Variants in M6PR observed in about 807,000 individuals in gnomAD.
The protein encoded by M6PR is mannose-6-phosphate receptor, cation dependent.
In M6PR, 19 loss-of-function variants were observed where a neutral mutation model predicts 33.1. The ratio of observed to expected loss-of-function variants is 0.57; its 90% CI spans 0.40 to 0.84. The LOEUF (loss-of-function observed/expected upper bound fraction) is 0.84, where lower values mean the gene tolerates loss of function less well. Among genes scored for constraint, M6PR ranks in the 40% least tolerant of loss-of-function variants. M6PR has a pLI of 0.00. For missense variants in M6PR, 295 were observed against 336.0 expected, an observed-to-expected ratio of 0.88 and a Z score of 0.95; for synonymous variants, 111 against 123.4, an observed-to-expected ratio of 0.90 and a Z score of 0.67.
Position 8,945,571 on chromosome 12 carries a change from C to T in M6PR, c.190G>A (p.Val64Met), listed in dbSNP as rs1946082827. 2 of 1,613,902 alleles carry T rather than the reference C, an allele frequency of 1.2e-6. No individual in the cohort carries two copies. Among genetic ancestry groups the T allele is most frequent in the Non-Finnish European group, 1.7e-6 (2 of 1,180,004 alleles). ...PLFNKSFESTVGQGSDTYIYI... is the reference protein window; with the variant it reads ...PLFNKSFESTMGQGSDTYIYI... ...ATGTATGTGTCTGAACCCTGGCCCA[C>T]AGTGCTCTCAAAGCTGTAAAGAGAA... is the stretch of plus-strand genomic sequence containing the variant. The change falls in exon 3 of 7, where the codon GTG becomes ATG. Residue 64 changes from valine (V) to methionine (M), a missense_variant. Val to Met is a conservative substitution (Grantham distance 21). Transcript: ENST00000000412.
intron 3 of M6PR, among the ~76,000 whole-genome samples, chr12:8,944,192 C>T (rs1237649090): frequency 6.6e-6 from 1 of 152,060 alleles, no homozygotes; most frequent in Non-Finnish European, 1.5e-5. Context: ...TGATCCATAC[C>T]TTAACACTGA....
rs765934214 is a variant in M6PR, at chr12:8,946,418, G to C, written c.-1-13C>G. 1 of 1,612,698 alleles carries C rather than the reference G, an allele frequency of 6.2e-7. No homozygotes were observed. The highest frequency in any genetic ancestry group is 1.1e-5 in the South Asian group (1 of 91,028). On this transcript the variant is annotated splice_polypyrimidine_tract_variant and intron_variant, in intron 1 of 6. Transcript: ENST00000000412. Reference sequence around the variant, plus strand: ...GAAAGGGAACATCCTTTGGGAGAGAGTGTGTGTTGGGGAGGGCAGGTAGGA... The same window carrying C: ...GAAAGGGAACATCCTTTGGGAGAGACTGTGTGTTGGGGAGGGCAGGTAGGA...
chr12:8,942,654 G>A, intron 5 of M6PR, 112 bp from the exon 6 acceptor site: 1 of 1,157,534 alleles, frequency 8.6e-7, no homozygotes, highest in Non-Finnish European at 1.2e-6. Flanking sequence ...TCCCTGAAAA[G>A]GAAAAATGAG....
chr12:8,946,140 AAG>A, intron 2 of M6PR, 87 bp downstream of exon 2: 2 of 1,325,738 alleles, frequency 1.5e-6, no homozygotes, highest in East Asian at 2.3e-5. Flanking sequence ...TATGTCATAA[AAG>A]AGAGCACATT....
intron 1 of M6PR, chr12:8,946,617 T>C (rs114598486): frequency 7.2e-4 from 325 of 449,938 alleles, no homozygotes; most frequent in African/African-American, 5.6e-3. Flanking sequence ...TGTAGTCTAA[T>C]GTATAGGTGA....
At position 8,942,136 on chromosome 12, in the gene M6PR, T is replaced by C. The variant is rs553324272; in HGVS notation, c.712-196A>G. The C allele has an allele frequency of 1.5e-3, 1,066 of 698,734 alleles. 2 individuals carry two copies. The highest frequency in any genetic ancestry group is 2.2e-3 in the Non-Finnish European group (927 of 427,464). 43.3% of individuals were successfully genotyped at this position (698,734 alleles called of 1,614,324 possible). A position where few individuals can be genotyped will look rare whatever the true frequency, so the allele number is the denominator to read the frequency against. ...AAGTTTCTTCTTATTAGGCCTCACC[T>C]TCTTCCCACCCAGGCCCTCTTAAAA... On this transcript the variant is annotated intron_variant, in intron 6 of 6. Transcript: ENST00000000412.
intron 1 of M6PR, among the ~76,000 whole-genome samples, chr12:8,947,338 C>T (rs1376718788): frequency 6.6e-6 from 1 of 152,104 alleles, no homozygotes; most frequent in Non-Finnish European, 1.5e-5. Flanking sequence ...AATGGAAGCT[C>T]CAACCTTGGC....
At chr12:8,945,941 C>T (rs1946087312) in intron 2 of M6PR, among the ~76,000 whole-genome samples, 1 of 152,190 alleles carries the variant, frequency 6.6e-6, no homozygotes, top group Non-Finnish European at 1.5e-5. Context: ...GTTCCTGACA[C>T]TTATAATGAC....
chr12:8,941,572 CTG>C lies in M6PR; in HGVS notation c.*244_*245del. The C allele has an allele frequency of 2.5e-6, 1 of 395,654 alleles. No individual in the cohort carries two copies. Among genetic ancestry groups the C allele is most frequent in the Middle Eastern group, 6.9e-4 (1 of 1,444 alleles). The allele number at this position is 395,654 out of a possible 1,614,324, so 24.5% of individuals were successfully genotyped here. A position where few individuals can be genotyped will look rare whatever the true frequency, so the allele number is the denominator to read the frequency against. On this transcript the variant is annotated 3_prime_UTR_variant, in exon 7 of 7. Transcript: ENST00000000412. ...ATGTCAAGAGACAATGCAAAAGCCT[CTG>C]TTTTCACAGGCCCTATTATATTAAC...
intron 3 of M6PR, among the ~76,000 whole-genome samples, chr12:8,944,226 A>C (rs1179854678): frequency 6.6e-6 from 1 of 152,200 alleles, no homozygotes; most frequent in East Asian, 1.9e-4. Flanking sequence ...TACCTTCTAA[A>C]AGCAAAAAAA....
intron 2 of M6PR, 98 bp downstream of exon 2, chr12:8,946,131 A>G: frequency 8.2e-7 from 1 of 1,220,244 alleles, no homozygotes. Context: ...AATTTGCTCT[A>G]TGTCATAAAA....
chr12:8,943,765 C>T (rs1946058497), intron 4 of M6PR, 36 bp downstream of exon 4: 1 of 1,571,122 alleles, frequency 6.4e-7, no homozygotes, highest in South Asian at 1.1e-5. Flanking sequence ...TCCTTTCAGT[C>T]TCCTCCCTCG....
chr12:8,946,328 T>C lies in M6PR; in HGVS notation c.77A>G (p.Gln26Arg), dbSNP rs753587485. The part of the protein sequence containing the change: ...LLAVAVRESW[Q>R]TEEKTCDLVG... ...CAAGTCGCAAGTTTTTTCTTCTGTC[T>C]GCCAGGATTCTCTCACTGCCACAGC... The change falls in exon 2 of 7, where the codon CAG becomes CGG. Residue 26 changes from glutamine (Q) to arginine (R), a missense_variant. Coordinates refer to ENST00000000412, the MANE Select transcript of M6PR (RefSeq NM_002355.4). The C allele has an allele frequency of 4.3e-6, 7 of 1,614,084 alleles. No individual in the cohort carries two copies. Among genetic ancestry groups the C allele is most frequent in the Non-Finnish European group, 5.9e-6 (7 of 1,180,040 alleles).
chr12:8,943,954 G>A, intron 3 of M6PR, 44 bp from the exon 4 acceptor site: 1 of 1,298,026 alleles, frequency 7.7e-7, no homozygotes. Context: ...TGGGGGAAAA[G>A]CAGAGGCAGA....
At chr12:8,943,719 T>C in intron 4 of M6PR, 82 bp downstream of exon 4, 1 of 1,367,106 alleles carries the variant, frequency 7.3e-7, no homozygotes, top group East Asian at 2.3e-5. Flanking sequence ...CAACGTATCG[T>C]GTCCCCTCTG....
At chr12:8,944,495 G>A (rs1946067989) in intron 3 of M6PR, among the ~76,000 whole-genome samples, 1 of 152,190 alleles carries the variant, frequency 6.6e-6, no homozygotes, top group South Asian at 2.1e-4. Context: ...TTAGGAAACA[G>A]GAGGAGAACC....
At chr12:8,948,864 T>C (rs1171424118) in intron 1 of M6PR, among the ~76,000 whole-genome samples, 1 of 152,168 alleles carries the variant, frequency 6.6e-6, no homozygotes. Flanking sequence ...GCAGTCCTTA[T>C]CCCTTTTTCT....
At chr12:8,944,613 T>C (rs1243326597) in intron 3 of M6PR, among the ~76,000 whole-genome samples, 1 of 152,182 alleles carries the variant, frequency 6.6e-6, no homozygotes, top group Non-Finnish European at 1.5e-5. Context: ...TGGGAGGGAA[T>C]TGGACCATAG....
chr12:8,944,936 A>G (rs1034229081), intron 3 of M6PR, among the ~76,000 whole-genome samples: 2 of 152,112 alleles, frequency 1.3e-5, no homozygotes, highest in Non-Finnish European at 2.9e-5. Context: ...CAAGGTGGGC[A>G]GATCACGAGG....
Sources: gnomAD v4.1 joint callset for allele counts (sites outside exome capture counted in the v4.1 genomes callset) on GRCh38, gnomAD v4.1.1 for gene constraint, MANE v1.5 for transcripts, NCBI Gene and HGNC (gene_info 2026-07-23, HGNC 2026-07-21) for gene names.